The following HRH1 variants were observed in gnomAD, a reference collection of about 807,000 sequenced individuals.
HRH1 encodes the protein histamine receptor H1.
A neutral mutation model predicts 10.3 loss-of-function variants in HRH1; 6 were observed. The ratio of observed to expected loss-of-function variants is 0.58; its 90% CI spans 0.32 to 1.15. The LOEUF is 1.15. HRH1 is among the 50% of genes most tolerant of loss of function. The probability of loss-of-function intolerance (pLI) is 0.05; values close to 1 mark genes in which losing one functional copy is unlikely to be tolerated. For missense variants in HRH1, 514 were observed against 615.3 expected, an observed-to-expected ratio of 0.84 and a Z score of 1.74; for synonymous variants, 242 against 236.7, an observed-to-expected ratio of 1.02 and a Z score of -0.21.
chr3:11,211,818 A>G (rs1444921581), intron 1 of HRH1, among the ~76,000 whole-genome samples: 1 of 152,218 alleles, frequency 6.6e-6, no homozygotes, highest in African/African-American at 2.4e-5. Flanking sequence ...TCCTTTAAGC[A>G]TAGATGCAGA....
chr3:11,160,587 A>G (rs1936902490), intron 1 of HRH1, among the ~76,000 whole-genome samples: 1 of 152,138 alleles, frequency 6.6e-6, no homozygotes, highest in African/African-American at 2.4e-5. Flanking sequence ...CCTGTTTATT[A>G]AATCTTTCTT....
intron 1 of HRH1, among the ~76,000 whole-genome samples, chr3:11,201,229 A>T (rs180951563): frequency 7.4e-4 from 113 of 152,342 alleles, no homozygotes; most frequent in African/African-American, 2.5e-3. Flanking sequence ...CAATTGCCCT[A>T]CGGCCAGAGA....
chr3:11,212,629 G>A (rs1938364406), intron 1 of HRH1, among the ~76,000 whole-genome samples: 1 of 152,112 alleles, frequency 6.6e-6, no homozygotes, highest in Non-Finnish European at 1.5e-5. Context: ...GCCCTTCCAT[G>A]CGTTGTTTCT....
intron 1 of HRH1, among the ~76,000 whole-genome samples, chr3:11,216,232 CAT>C (rs1198358625): frequency 6.6e-6 from 1 of 152,154 alleles, no homozygotes; most frequent in Non-Finnish European, 1.5e-5. Flanking sequence ...AAAAATTAAA[CAT>C]AGAATTACCA....
chr3:11,149,228 G>T (rs1377390221), intron 1 of HRH1, among the ~76,000 whole-genome samples: 1 of 152,148 alleles, frequency 6.6e-6, no homozygotes, highest in African/African-American at 2.4e-5. Context: ...GCAATCTATA[G>T]ATATATATTT....
chr3:11,217,029 C>T (rs1458600229), intron 1 of HRH1, among the ~76,000 whole-genome samples: 2 of 150,880 alleles, frequency 1.3e-5, no homozygotes, highest in Non-Finnish European at 3.0e-5. Flanking sequence ...ACTAAAAATA[C>T]AAAAAAATTA....
chr3:11,242,308 C>T (rs1282669159), intron 1 of HRH1, among the ~76,000 whole-genome samples: 2 of 151,812 alleles, frequency 1.3e-5, no homozygotes, highest in Non-Finnish European at 2.9e-5. Flanking sequence ...GGTGAAACCC[C>T]GTCTCTACTA....
intron 1 of HRH1, among the ~76,000 whole-genome samples, chr3:11,185,646 G>A (rs767310606): frequency 2.0e-4 from 30 of 152,166 alleles, no homozygotes; most frequent in Admixed American, 7.2e-4. Flanking sequence ...CCACTTTCTC[G>A]GGTGAGCTGT....
At chr3:11,235,511 T>C (rs1206988444) in intron 1 of HRH1, among the ~76,000 whole-genome samples, 1 of 151,976 alleles carries the variant, frequency 6.6e-6, no homozygotes, top group Non-Finnish European at 1.5e-5. Flanking sequence ...GAGCTCCATC[T>C]CCCCACTAGG....
In HRH1 at chr3:11,196,773, C is replaced by G. The variant is rs1425357911; in HGVS notation, c.-36+42219C>G. ...TGTAGCTGTTCAGCTAAAGTGTGAT[C>G]CATGGACTAGCAGCATCAGGATCAC... On this transcript the variant is annotated intron_variant, in intron 1 of 1. Coordinates refer to ENST00000431010, the MANE Select transcript of HRH1 (RefSeq NM_001098212.2). Among the ~76,000 whole-genome samples the G allele has an allele frequency of 2.6e-5, 4 of 151,888 alleles. No homozygotes were observed. In the East Asian group the frequency reaches 7.7e-4, roughly 29 times the overall value.
chr3:11,142,176 G>A (rs1936303823), intron 1 of HRH1, among the ~76,000 whole-genome samples: 1 of 152,166 alleles, frequency 6.6e-6, no homozygotes, highest in African/African-American at 2.4e-5. Context: ...ACCAAAGACT[G>A]GCAGCCCCTT....
At chr3:11,198,029 A>C (rs982371791) in intron 1 of HRH1, among the ~76,000 whole-genome samples, 1 of 152,126 alleles carries the variant, frequency 6.6e-6, no homozygotes, top group African/African-American at 2.4e-5. Context: ...CTGAAGCCTC[A>C]GTTGCCTGGT....
chr3:11,241,331 T>C (rs1398526006), intron 1 of HRH1, among the ~76,000 whole-genome samples: 1 of 152,262 alleles, frequency 6.6e-6, no homozygotes, highest in African/African-American at 2.4e-5. Context: ...ACCTAATTGC[T>C]GGTGCTCTGT....
chr3:11,197,116 C>T lies in HRH1; in HGVS notation c.-36+42562C>T, dbSNP rs536818387. Among the ~76,000 whole-genome samples, 839 of 136,996 alleles carry T rather than the reference C, an allele frequency of 6.1e-3. 7 individuals are homozygous for T. The highest frequency in any genetic ancestry group is 0.015 in the Middle Eastern group (4 of 274). 89.9% of individuals were successfully genotyped at this position (136,996 alleles called of 152,430 possible). A position where few individuals can be genotyped will look rare whatever the true frequency, so the allele number is the denominator to read the frequency against. On this transcript the variant is annotated intron_variant, in intron 1 of 1. Coordinates refer to ENST00000431010, the MANE Select transcript of HRH1 (RefSeq NM_001098212.2). ...CTCTAGCCTGGGCTACAGAGCGAGA[C>T]TCCATCTCAAAAAAAAAAAAAAAAG...
chr3:11,260,496 T>G lies in HRH1; in HGVS notation c.1459T>G (p.Ser487Ala). ...KTFKRILHIRS is the reference protein window; with the variant it reads ...KTFKRILHIRA ...ATTCAAGAGAATTCTGCATATTCGC[T>G]CCTAAGGGAGGCTCTGAGGGGATGC... is the stretch of plus-strand genomic sequence containing the variant. The change falls in exon 2 of 2, where the codon TCC becomes GCC. Residue 487 changes from serine to alanine, a missense_variant. By Grantham distance (99) the Ser-to-Ala change is moderately conservative (BLOSUM62 1). Transcript: ENST00000431010. The G allele has an allele frequency of 6.3e-7, 1 of 1,590,192 alleles. No individual in the cohort carries two copies. Among genetic ancestry groups the G allele is most frequent in the Non-Finnish European group, 8.6e-7 (1 of 1,166,554 alleles).
intron 1 of HRH1, among the ~76,000 whole-genome samples, chr3:11,192,840 T>C (rs1239785618): frequency 6.6e-6 from 1 of 152,162 alleles, no homozygotes. Flanking sequence ...CTTCTTATAG[T>C]TCTCTGTCCC....
chr3:11,234,400 C>A, intron 1 of HRH1: 1 of 1,605,514 alleles, frequency 6.2e-7, no homozygotes, highest in Non-Finnish European at 8.5e-7. Flanking sequence ...GGCATTCCTG[C>A]ATGGCCCGGA....
chr3:11,157,017 A>T (rs1178998150), intron 1 of HRH1, among the ~76,000 whole-genome samples: 1 of 152,248 alleles, frequency 6.6e-6, no homozygotes, highest in African/African-American at 2.4e-5. Context: ...AACGCTGGCC[A>T]TTGCAACGAG....
At chr3:11,249,594 G>A (rs1295017494) in intron 1 of HRH1, among the ~76,000 whole-genome samples, 1 of 152,114 alleles carries the variant, frequency 6.6e-6, no homozygotes, top group Admixed American at 6.5e-5. Flanking sequence ...AATTTGTACA[G>A]GATTACACTG....
Sources: gnomAD v4.1 joint callset for allele counts (sites outside exome capture counted in the v4.1 genomes callset) on GRCh38, gnomAD v4.1.1 for gene constraint, MANE v1.5 for transcripts, NCBI Gene and HGNC (gene_info 2026-07-23, HGNC 2026-07-21) for gene names.